The following DOCK1 variants were observed in gnomAD, a reference collection of about 807,000 sequenced individuals.
DOCK1 encodes the protein dedicator of cytokinesis 1.
Under a neutral mutation model 262.7 loss-of-function variants are expected in DOCK1, and 138 were observed. The observed-to-expected ratio is 0.53, with a 90% CI of 0.46 to 0.61. The LOEUF (loss-of-function observed/expected upper bound fraction) is 0.61. Among genes scored for constraint, DOCK1 ranks in the 20% least tolerant of loss-of-function variants. The pLI is 0.00. For missense variants in DOCK1, 1,908 were observed against 2,370.7 expected, an observed-to-expected ratio of 0.80 and a Z score of 4.05; for synonymous variants, 866 against 867.4, an observed-to-expected ratio of 1.00 and a Z score of 0.03.
At chr10:126,920,967 C>T (rs370272918) in intron 1 of DOCK1, among the ~76,000 whole-genome samples, 24 of 152,164 alleles carry the variant, frequency 1.6e-4, no homozygotes, top group African/African-American at 2.4e-4. Context: ...GAGGCCGAGG[C>T]GGGCAGATCA....
chr10:127,200,528 C>T (rs1434556165), intron 27 of DOCK1, among the ~76,000 whole-genome samples: 1 of 151,970 alleles, frequency 6.6e-6, no homozygotes, highest in South Asian at 2.1e-4. Context: ...AAGCAATTCT[C>T]GTGCCTCAGC....
chr10:127,223,600 A>T (rs968782732), intron 27 of DOCK1, among the ~76,000 whole-genome samples: 2 of 152,216 alleles, frequency 1.3e-5, no homozygotes, highest in African/African-American at 4.8e-5. Flanking sequence ...AAACTCTGAA[A>T]TAATCTGCAA....
intron 27 of DOCK1, among the ~76,000 whole-genome samples, chr10:127,234,409 G>T (rs1016804777): frequency 6.6e-6 from 1 of 151,936 alleles, no homozygotes; most frequent in Admixed American, 6.6e-5. Context: ...TGTTCAAAGG[G>T]TTATTTAAAA....
At chr10:126,949,019 C>T (rs1004518257) in intron 1 of DOCK1, among the ~76,000 whole-genome samples, 5 of 152,106 alleles carry the variant, frequency 3.3e-5, no homozygotes, top group East Asian at 1.9e-4. Flanking sequence ...ACTGAGCTTT[C>T]GTCTTTGCTT....
chr10:127,419,864 G>A lies in DOCK1; in HGVS notation c.4776+115G>A, dbSNP rs147734280. On this transcript the variant is annotated intron_variant, in intron 46 of 51. Coordinates refer to ENST00000623213, the MANE Select transcript of DOCK1 (RefSeq NM_001290223.2). Reference sequence around the variant, plus strand: ...TCCCTGGGCTGCAGTCCTGATGCACGTGGCTGTGATTGTCCCTGGGTGAAC... The same window carrying A: ...TCCCTGGGCTGCAGTCCTGATGCACATGGCTGTGATTGTCCCTGGGTGAAC... The A allele has an allele frequency of 3.7e-4, 412 of 1,128,760 alleles. 1 individual carries two copies. Among genetic ancestry groups the A allele is most frequent in the African/African-American group, 3.4e-3 (223 of 64,942 alleles). 69.9% of individuals were successfully genotyped at this position (1,128,760 alleles called of 1,614,324 possible). A position where few individuals can be genotyped will look rare whatever the true frequency, so the allele number is the denominator to read the frequency against.
chr10:127,427,532 C>T (rs10765093), intron 47 of DOCK1, among the ~76,000 whole-genome samples: 126,742 of 152,158 alleles, frequency 0.83, 53,077 homozygotes, highest in African/African-American at 0.91. Context: ...ACTGCAGTCA[C>T]CTGCATTTTA....
intron 27 of DOCK1, among the ~76,000 whole-genome samples, chr10:127,220,357 G>A (rs1343815888): frequency 6.6e-6 from 1 of 152,058 alleles, no homozygotes; most frequent in Non-Finnish European, 1.5e-5. Flanking sequence ...GCCCAGGGAC[G>A]TGTGTGTTGC....
chr10:127,373,069 G>A (rs1014604213), intron 33 of DOCK1, among the ~76,000 whole-genome samples: 12 of 152,172 alleles, frequency 7.9e-5, no homozygotes, highest in Admixed American at 7.9e-4. Flanking sequence ...GACACTTGAA[G>A]ACATTTTAGA....
At chr10:126,918,578 G>T (rs769890574) in intron 1 of DOCK1, among the ~76,000 whole-genome samples, 2 of 152,172 alleles carry the variant, frequency 1.3e-5, no homozygotes, top group African/African-American at 2.4e-5. Flanking sequence ...AGTAGATCCC[G>T]GTAGCAGGAT....
At chr10:127,234,050 C>G (rs1446452259) in intron 27 of DOCK1, among the ~76,000 whole-genome samples, 1 of 152,148 alleles carries the variant, frequency 6.6e-6, no homozygotes, top group Non-Finnish European at 1.5e-5. Context: ...TGACATGATA[C>G]ATACAGTATA....
At chr10:127,127,290 C>T (rs2050023960) in intron 26 of DOCK1, among the ~76,000 whole-genome samples, 1 of 152,194 alleles carries the variant, frequency 6.6e-6, no homozygotes, top group African/African-American at 2.4e-5. Context: ...TTGCATTTGA[C>T]GTGCAGAACC....
At chr10:127,206,762 A>G (rs893286032) in intron 27 of DOCK1, among the ~76,000 whole-genome samples, 4 of 152,214 alleles carry the variant, frequency 2.6e-5, no homozygotes, top group Non-Finnish European at 5.9e-5. Context: ...ATTATGAACT[A>G]TGAAATATTG....
At chr10:127,312,253 G>A (rs1198057560) in intron 29 of DOCK1, among the ~76,000 whole-genome samples, 2 of 152,188 alleles carry the variant, frequency 1.3e-5, no homozygotes, top group Non-Finnish European at 1.5e-5. Context: ...CAGCACTCTT[G>A]AGAGGCAGTG....
intron 1 of DOCK1, among the ~76,000 whole-genome samples, chr10:126,912,826 TC>T (rs2032004965): frequency 6.6e-6 from 1 of 152,024 alleles, no homozygotes; most frequent in Non-Finnish European, 1.5e-5. Flanking sequence ...CTCTTTAAAT[TC>T]CCTGCCTCCA....
chr10:127,444,751 G>C (rs2070425167), intron 50 of DOCK1, among the ~76,000 whole-genome samples: 1 of 152,178 alleles, frequency 6.6e-6, no homozygotes, highest in Admixed American at 6.5e-5. Flanking sequence ...CCAAACAGCA[G>C]AAATTTGTTC....
At chr10:127,438,376 G>T (rs1352772390) in intron 48 of DOCK1, among the ~76,000 whole-genome samples, 1 of 152,222 alleles carries the variant, frequency 6.6e-6, no homozygotes, top group Non-Finnish European at 1.5e-5. Flanking sequence ...AAGGGTGGTG[G>T]TGTCTTTATA....
At chr10:127,298,805 G>C (rs1258171159) in intron 29 of DOCK1, among the ~76,000 whole-genome samples, 3 of 152,176 alleles carry the variant, frequency 2.0e-5, no homozygotes, top group African/African-American at 7.2e-5. Flanking sequence ...CTTTGTCAGA[G>C]CTTTTCTGCA....
rs972837093 is a variant in DOCK1 at position 127,118,036 on chromosome 10, A to G, written c.2624-7438A>G. Among the ~76,000 whole-genome samples, 2 of 152,186 alleles carry G rather than the reference A, an allele frequency of 1.3e-5. 1 individual carries two copies. Among genetic ancestry groups the G allele is most frequent in the Non-Finnish European group, 2.9e-5 (2 of 68,020 alleles). ...GTTTTGACATATGTATTTTATTGTC[A>G]GAGCAACCAGGAGGGGAGTTTGTGC... is the stretch of plus-strand genomic sequence containing the variant. On this transcript the variant is annotated intron_variant, in intron 25 of 51. Transcript: ENST00000623213.
intron 26 of DOCK1, among the ~76,000 whole-genome samples, chr10:127,126,483 C>G (rs909070290): frequency 6.6e-6 from 1 of 152,030 alleles, no homozygotes; most frequent in South Asian, 2.1e-4. Flanking sequence ...GTAATCCCAG[C>G]GGTTTGGGAA....
Sources: gnomAD v4.1 joint callset for allele counts (sites outside exome capture counted in the v4.1 genomes callset) on GRCh38, gnomAD v4.1.1 for gene constraint, MANE v1.5 for transcripts, NCBI Gene and HGNC (gene_info 2026-07-23, HGNC 2026-07-21) for gene names.